The following HNRNPDL variants were observed in gnomAD, a reference collection of about 807,000 sequenced individuals.
The protein encoded by HNRNPDL is heterogeneous nuclear ribonucleoprotein D like.
A neutral mutation model predicts 48.0 loss-of-function variants in HNRNPDL; 18 were observed. The ratio of observed to expected loss-of-function variants is 0.38; its 90% confidence interval spans 0.26 to 0.56. HNRNPDL has a LOEUF of 0.56. Among genes scored for constraint, HNRNPDL ranks in the 20% least tolerant of loss-of-function variants. The pLI, the probability that HNRNPDL is intolerant of heterozygous loss-of-function variation, is 0.77. For missense variants in HNRNPDL, 553 were observed against 540.7 expected, an observed-to-expected ratio of 1.02 and a Z score of -0.23; for synonymous variants, 306 against 207.3, an observed-to-expected ratio of 1.48 and a Z score of -4.09.
intron 3 of HNRNPDL, 113 bp from the exon 4 acceptor site, chr4:82,427,677 C>T: frequency 1.1e-6 from 1 of 939,010 alleles, no homozygotes; most frequent in Non-Finnish European, 1.7e-6. Flanking sequence ...TATCGGGTGA[C>T]TTCTATACAG....
rs1353089013 is a variant in HNRNPDL at position 82,429,633 on chromosome 4, C to G, written c.58G>C (p.Ala20Pro). The G allele has an allele frequency of 7.3e-7, 1 of 1,372,326 alleles. No homozygotes were observed. Among genetic ancestry groups the G allele is most frequent in the African/African-American group, 1.5e-5 (1 of 64,870 alleles). 85.0% of individuals were successfully genotyped at this position (1,372,326 alleles called of 1,614,324 possible). A position where few individuals can be genotyped will look rare whatever the true frequency, so the allele number is the denominator to read the frequency against. The change falls in exon 1 of 8, where the codon GCT (alanine) becomes CCT (proline). Residue 20 changes from alanine (A) to proline (P), a missense_variant. Ala to Pro is a conservative substitution (Grantham distance 27). Around this residue, in one of 4 missense-constraint regions of HNRNPDL, gnomAD observed 327 missense variants for 203.2 expected, o/e 1.61. Transcript: ENST00000295470. ...VPPPLFPSAPATLASRSLSHW... is the reference protein window; with the variant it reads ...VPPPLFPSAPPTLASRSLSHW... ...GAGAGGCTGCGGGAGGCTAAAGTAG[C>G]GGGAGCGGAGGGGAACAATGGCGGC...
Position 82,429,576 on chromosome 4 carries a change from C to A in HNRNPDL, c.115G>T (p.Ala39Ser), listed in dbSNP as rs10024950. 3.6e-6 allele frequency: 5 copies of A among 1,390,536 alleles called. No individual in the cohort carries two copies. Among genetic ancestry groups the A allele is most frequent in the Non-Finnish European group, 3.7e-6 (4 of 1,076,568 alleles). The allele number at this position is 1,390,536 out of a possible 1,614,324, so 86.1% of individuals were successfully genotyped here. The part of the protein sequence containing the change: ...HWRPRPPRQL[A>S]PLLPSLAPSS... The stretch of plus-strand genomic sequence containing the variant: ...GGAGCGAGCGAAGGGAGGAGCGGGG[C>A]TAGCTGCCGCGGCGGCCGCGGCCGC... Residue 39 changes from alanine (A) to serine (S), a missense_variant, in exon 1 of 8, where the codon GCC becomes TCC. Ala to Ser is a moderately conservative substitution (Grantham distance 99). Around this residue, in one of 4 missense-constraint regions of HNRNPDL, gnomAD observed 327 missense variants for 203.2 expected, o/e 1.61. Coordinates refer to ENST00000295470, the MANE Select transcript of HNRNPDL (RefSeq NM_031372.4).
At position 82,427,225 on chromosome 4, in the gene HNRNPDL, G is replaced by A. The variant is rs2110028495; in HGVS notation, c.986C>T (p.Ala329Val). ...QQQKGGRGAA[A>V]GGRGGTRGRG... ...ACCCCTCGTACCACCTCGTCCACCA[G>A]CTGCAGCACCTCTTCCACCTTTTTG... Residue 329 changes from alanine to valine, a missense_variant, in exon 5 of 8, where the codon GCT (alanine) becomes GTT (valine). Ala to Val is a moderately conservative substitution (Grantham distance 64, BLOSUM62 0). Coordinates refer to ENST00000295470, the MANE Select transcript of HNRNPDL (RefSeq NM_031372.4). 1 of 1,613,720 alleles carries A rather than the reference G, an allele frequency of 6.2e-7. No individual in the cohort carries two copies. Among genetic ancestry groups the A allele is most frequent in the East Asian group, 2.2e-5 (1 of 44,884 alleles).
At position 82,429,414 on chromosome 4, in the gene HNRNPDL, T is replaced by G. The variant is rs368295854; in HGVS notation, c.277A>C (p.Ser93Arg). 4 of 1,612,758 alleles carry G rather than the reference T, an allele frequency of 2.5e-6. No individual in the cohort carries two copies. Among genetic ancestry groups the G allele is most frequent in the Middle Eastern group, 3.3e-4 (2 of 6,076 alleles). ...PDLFRRHFKS[S>R]SIQRSAAAAA... Reference sequence around the variant, plus strand: ...GCGGCGGCGGAGCGTTGTATGGAGCTGGATTTAAAATGGCGGCGGAAGAGA... The same window carrying G: ...GCGGCGGCGGAGCGTTGTATGGAGCGGGATTTAAAATGGCGGCGGAAGAGA... Residue 93 changes from serine to arginine, a missense_variant, in exon 1 of 8, where the codon AGC (serine) becomes CGC (arginine). By Grantham distance (110) the Ser-to-Arg change is moderately radical. Coordinates refer to ENST00000295470, the MANE Select transcript of HNRNPDL (RefSeq NM_031372.4).
intron 7 of HNRNPDL, chr4:82,425,781 T>C (rs1218230176): frequency 2.4e-6 from 1 of 408,948 alleles, no homozygotes; most frequent in Non-Finnish European, 4.4e-6. Flanking sequence ...TGTTTAATTA[T>C]TCCTCTAGAC....
intron 5 of HNRNPDL, 111 bp from the exon 6 acceptor site, chr4:82,426,744 T>C (rs769014669): frequency 1.2e-5 from 10 of 832,226 alleles, no homozygotes; most frequent in Admixed American, 2.3e-5. Flanking sequence ...AGAATGGACA[T>C]ATATATTGCT....
In HNRNPDL at chr4:82,427,592, A is replaced by G. The variant is rs1172384050; in HGVS notation, c.775-28T>C. 1.9e-6 allele frequency: 3 copies of G among 1,601,366 alleles called. No individual in the cohort carries two copies. The East Asian group carries it at 6.7e-5, about 36-fold the overall frequency. ...GAAATCGAGATGCACACTCAACGTCATCCCATAATTGTAAAACGTTACAGT... is the reference window on the plus strand; with the variant it reads ...GAAATCGAGATGCACACTCAACGTCGTCCCATAATTGTAAAACGTTACAGT... On this transcript the variant is annotated intron_variant, in intron 3 of 7. Coordinates refer to ENST00000295470, the MANE Select transcript of HNRNPDL (RefSeq NM_031372.4).
At position 82,424,063 on chromosome 4, in the gene HNRNPDL, C is replaced by G. The variant is rs1490848042; in HGVS notation, c.*843G>C. On this transcript the variant is annotated 3_prime_UTR_variant, in exon 8 of 8. Transcript: ENST00000295470. ...ACTATTTTAATTTTTCGACCAAACTCATACCTTTCTACCAAAATCCTTGAG... is the reference window on the plus strand; with the variant it reads ...ACTATTTTAATTTTTCGACCAAACTGATACCTTTCTACCAAAATCCTTGAG... 6.6e-6 allele frequency: 1 copy of G among 152,186 alleles called. No individual in the cohort carries two copies. Among genetic ancestry groups the G allele is most frequent in the African/African-American group, 2.4e-5 (1 of 41,426 alleles). 9.4% of individuals were successfully genotyped at this position (152,186 alleles called of 1,614,324 possible).
chr4:82,426,420 T>G, intron 6 of HNRNPDL, 43 bp downstream of exon 6: 3 of 1,542,300 alleles, frequency 1.9e-6, no homozygotes, highest in Non-Finnish European at 2.7e-6. Context: ...TAACAATGAA[T>G]TTTAATACCA....
rs753636245 is a variant in HNRNPDL, at chr4:82,429,442, C to G, written c.249G>C (p.Pro83=). The G allele has an allele frequency of 6.2e-7, 1 of 1,610,900 alleles. No individual in the cohort carries two copies. Among genetic ancestry groups the G allele is most frequent in the Admixed American group, 1.7e-5 (1 of 59,678 alleles). ...ATTTAAAATGGCGGCGGAAGAGATC[C>G]GGGCGCCGCCTGCGCCCTCCCTTTA... ...AAIKGGRRRR[P]DLFRRHFKSS... Residue 83 remains proline, a synonymous_variant, in exon 1 of 8, where the codon CCG becomes CCC. Coordinates refer to ENST00000295470, the MANE Select transcript of HNRNPDL (RefSeq NM_031372.4).
At position 82,423,924 on chromosome 4, in the gene HNRNPDL, C is replaced by T. The variant is rs531270512; in HGVS notation, c.*982G>A. Reference sequence around the variant, plus strand: ...ACTAGATTTACTATCAAGACTTTTTCTAAACTCACAGAGCATTAACAGCTA... The same window carrying T: ...ACTAGATTTACTATCAAGACTTTTTTTAAACTCACAGAGCATTAACAGCTA... On this transcript the variant is annotated 3_prime_UTR_variant, in exon 8 of 8. Coordinates refer to ENST00000295470, the MANE Select transcript of HNRNPDL (RefSeq NM_031372.4). 1.1e-4 allele frequency: 17 copies of T among 152,316 alleles called. No individual in the cohort carries two copies. The South Asian group carries it at 3.1e-3, about 28-fold the overall frequency. The allele number at this position is 152,316 out of a possible 1,614,324, so 9.4% of individuals were successfully genotyped here. A position where few individuals can be genotyped will look rare whatever the true frequency, so the allele number is the denominator to read the frequency against.
chr4:82,429,913 C>T lies in HNRNPDL; in HGVS notation c.-223G>A, dbSNP rs1358533421. On this transcript the variant is annotated 5_prime_UTR_variant, in exon 1 of 8. Coordinates refer to ENST00000295470, the MANE Select transcript of HNRNPDL (RefSeq NM_031372.4). Reference sequence around the variant, plus strand: ...AGCCGTCAACCCCGCCTTTTTCTGCCCTCGGTTCGCCAGTGCGGAGCCGCT... The same window carrying T: ...AGCCGTCAACCCCGCCTTTTTCTGCTCTCGGTTCGCCAGTGCGGAGCCGCT... 12 of 379,236 alleles carry T rather than the reference C, an allele frequency of 3.2e-5. No homozygotes were observed. Among genetic ancestry groups the T allele is most frequent in the African/African-American group, 2.1e-4 (10 of 47,996 alleles). 23.5% of individuals were successfully genotyped at this position (379,236 alleles called of 1,614,324 possible).
rs751817353 is a variant in HNRNPDL, at chr4:82,423,176, A to G, written c.*1730T>C. Reference sequence around the variant, plus strand: ...AGATGTAGTGTATTTTTTCTCAGTCATACATATCAAGACTTGATTAAAAGT... The same window carrying G: ...AGATGTAGTGTATTTTTTCTCAGTCGTACATATCAAGACTTGATTAAAAGT... On this transcript the variant is annotated 3_prime_UTR_variant, in exon 8 of 8. Coordinates refer to ENST00000295470, the MANE Select transcript of HNRNPDL (RefSeq NM_031372.4). 1.3e-5 allele frequency: 2 copies of G among 152,214 alleles called. No individual in the cohort carries two copies. The highest frequency in any genetic ancestry group is 2.9e-5 in the Non-Finnish European group (2 of 68,040). The allele number at this position is 152,214 out of a possible 1,614,324, so 9.4% of individuals were successfully genotyped here.
Position 82,429,719 on chromosome 4 carries a change from A to C in HNRNPDL, c.-29T>G. Reference sequence around the variant, plus strand: ...GGCCCTCCCGGCAAGGAGAGAGGCCACGCGTGAGGGGACGCGGGCTTGGGA... The same window carrying C: ...GGCCCTCCCGGCAAGGAGAGAGGCCCCGCGTGAGGGGACGCGGGCTTGGGA... On this transcript the variant is annotated 5_prime_UTR_variant, in exon 1 of 8. Transcript: ENST00000295470. 3 of 1,329,862 alleles carry C rather than the reference A, an allele frequency of 2.3e-6. No individual in the cohort carries two copies. Among genetic ancestry groups the C allele is most frequent in the South Asian group, 4.1e-5 (2 of 48,502 alleles). 82.4% of individuals were successfully genotyped at this position (1,329,862 alleles called of 1,614,324 possible).
At position 82,428,348 on chromosome 4, in the gene HNRNPDL, G is replaced by C. The variant is rs1393854529; in HGVS notation, c.542C>G (p.Thr181Arg). 1 of 1,613,904 alleles carries C rather than the reference G, an allele frequency of 6.2e-7. No homozygotes were observed. The highest frequency in any genetic ancestry group is 8.5e-7 in the Non-Finnish European group (1 of 1,179,928). ...TCTTGATCTCCCAGTGACTGGATCT[G>C]TTTTAATTGTGCAGTCTACAACTTC... The part of the protein sequence containing the change: ...FGEVVDCTIK[T>R]DPVTGRSRGF... The change falls in exon 2 of 8, where the codon ACA becomes AGA. Residue 181 changes from threonine (T) to arginine (R), a missense_variant. Thr to Arg is a moderately conservative substitution (Grantham distance 71). Around this residue, in one of 4 missense-constraint regions of HNRNPDL, gnomAD observed 43 missense variants for 104.0 expected, o/e 0.41. Transcript: ENST00000295470.
rs1279298386 is a variant in HNRNPDL at position 82,426,443 on chromosome 4, ATTAAG to A, written c.1192+15_1192+19del. On this transcript the variant is annotated intron_variant, in intron 6 of 7. Transcript: ENST00000295470. ...AATTTTAATACCACTGCTTTATAAAATTAAGTTAAATATTCTTACCACTGTAGTCT... is the reference window on the plus strand; with the variant it reads ...AATTTTAATACCACTGCTTTATAAAATTAAATATTCTTACCACTGTAGTCT... 3.1e-6 allele frequency: 5 copies of A among 1,592,734 alleles called. No individual in the cohort carries two copies. Among genetic ancestry groups the A allele is most frequent in the South Asian group, 1.1e-5 (1 of 90,500 alleles).
rs1440056187 is a variant in HNRNPDL at position 82,423,517 on chromosome 4, G to A, written c.*1389C>T. On this transcript the variant is annotated 3_prime_UTR_variant, in exon 8 of 8. Coordinates refer to ENST00000295470, the MANE Select transcript of HNRNPDL (RefSeq NM_031372.4). ...TAGAATCATTGTTAAGAAAGTTGCA[G>A]GCACCAAATTAAAAAAAAAAAGGGA... 5.3e-5 allele frequency: 8 copies of A among 151,636 alleles called. No homozygotes were observed. The highest frequency in any genetic ancestry group is 1.7e-4 in the African/African-American group (7 of 41,222). 9.4% of individuals were successfully genotyped at this position (151,636 alleles called of 1,614,324 possible).
chr4:82,427,662 A>C (rs1422305639), intron 3 of HNRNPDL, 98 bp from the exon 4 acceptor site: 5 of 1,106,344 alleles, frequency 4.5e-6, no homozygotes, highest in Middle Eastern at 2.9e-4. Context: ...TAAACATGTT[A>C]TTCTTATCGG....
chr4:82,426,677 C>A, intron 5 of HNRNPDL, 44 bp from the exon 6 acceptor site: 1 of 1,517,960 alleles, frequency 6.6e-7, no homozygotes, highest in South Asian at 1.1e-5. Flanking sequence ...CTTCTGACCC[C>A]CAATTCTAAC....
Sources: allele counts gnomAD v4.1 joint callset, GRCh38; gene constraint gnomAD v4.1.1; regional missense constraint gnomAD v4.1.1; transcripts MANE v1.5; gene names NCBI Gene and HGNC (gene_info 2026-07-23, HGNC 2026-07-21).